Variants in MAGI2 observed in about 807,000 individuals in gnomAD.
MAGI2 encodes the protein membrane-associated guanylate kinase, WW and PDZ domain-containing protein 2.
In MAGI2, 35 loss-of-function variants were observed where a neutral mutation model predicts 133.3. The ratio of observed to expected loss-of-function variants is 0.26; its 90% CI spans 0.20 to 0.35. The LOEUF (loss-of-function observed/expected upper bound fraction) is 0.35, where lower values mean the gene tolerates loss of function less well. Among genes scored for constraint, MAGI2 ranks in the 10% least tolerant of loss-of-function variants. MAGI2 has a pLI of 1.00. For synonymous variants in MAGI2, 729 were observed against 710.6 expected, an observed-to-expected ratio of 1.03 and a Z score of -0.41; for missense variants, 1,636 against 1,863.4, an observed-to-expected ratio of 0.88 and a Z score of 2.25.
At chr7:78,379,207 TA>T (rs1197313261) in intron 6 of MAGI2, among the ~76,000 whole-genome samples, 1 of 151,922 alleles carries the variant, frequency 6.6e-6, no homozygotes, top group Non-Finnish European at 1.5e-5. Context: ...GGGCAATAAA[TA>T]AAATATGATA....
At chr7:78,920,035 T>C (rs961349066) in intron 2 of MAGI2, among the ~76,000 whole-genome samples, 22 of 152,134 alleles carry the variant, frequency 1.4e-4, no homozygotes, top group African/African-American at 5.1e-4. Flanking sequence ...CTTCCAACAT[T>C]GGGCAAGTCC....
In MAGI2 at chr7:78,549,998, C is replaced by A. The variant is rs182815982; in HGVS notation, c.539-28353G>T. ...GATTGGGTTTTCAGGGTGAAGCCCA[C>A]GTAAGTAAGATTAGTGCCTTTACAA... is the stretch of plus-strand genomic sequence containing the variant. On this transcript the variant is annotated intron_variant, in intron 3 of 21. Transcript: ENST00000354212. Among the ~76,000 whole-genome samples the A allele has an allele frequency of 2.9e-3, 437 of 152,208 alleles. 1 individual carries two copies. Among genetic ancestry groups the A allele is most frequent in the Middle Eastern group, 0.017 (5 of 294 alleles).
At chr7:78,152,218 G>T (rs1344382669) in intron 16 of MAGI2, among the ~76,000 whole-genome samples, 1 of 152,144 alleles carries the variant, frequency 6.6e-6, no homozygotes, top group Admixed American at 6.5e-5. Flanking sequence ...CACAGTGCCT[G>T]GGAGAAACCT....
chr7:78,665,700 G>C (rs1057466931), intron 2 of MAGI2, among the ~76,000 whole-genome samples: 6 of 152,034 alleles, frequency 3.9e-5, no homozygotes, highest in Admixed American at 2.6e-4. Context: ...CAAATTAATA[G>C]AGGAGAAAAA....
At chr7:79,277,839 A>G (rs1174682048) in intron 1 of MAGI2, among the ~76,000 whole-genome samples, 1 of 152,156 alleles carries the variant, frequency 6.6e-6, no homozygotes, top group Non-Finnish European at 1.5e-5. Flanking sequence ...AAAAACCTGG[A>G]GTCATCTCTT....
At chr7:78,590,035 G>C (rs773007945) in intron 3 of MAGI2, among the ~76,000 whole-genome samples, 6 of 152,180 alleles carry the variant, frequency 3.9e-5, no homozygotes, top group Non-Finnish European at 8.8e-5. Flanking sequence ...ACAAACATTT[G>C]CTTGTGTACC....
chr7:79,017,635 G>T (rs1394129402), intron 1 of MAGI2, among the ~76,000 whole-genome samples: 12 of 152,170 alleles, frequency 7.9e-5, no homozygotes, highest in African/African-American at 2.7e-4. Context: ...TAGGAATGAA[G>T]ATTACTGACA....
At chr7:78,759,247 A>G (rs1308326982) in intron 2 of MAGI2, among the ~76,000 whole-genome samples, 1 of 152,188 alleles carries the variant, frequency 6.6e-6, no homozygotes, top group African/African-American at 2.4e-5. Flanking sequence ...TTTTAATATT[A>G]CACTAGAACT....
intron 1 of MAGI2, among the ~76,000 whole-genome samples, chr7:79,058,834 C>T (rs1813424319): frequency 6.6e-6 from 1 of 152,024 alleles, no homozygotes; most frequent in South Asian, 2.1e-4. Flanking sequence ...GTTAAAATAC[C>T]AGTGATGCAG....
At chr7:78,728,320 C>G (rs564251423) in intron 2 of MAGI2, among the ~76,000 whole-genome samples, 1 of 151,998 alleles carries the variant, frequency 6.6e-6, no homozygotes, top group South Asian at 2.1e-4. Context: ...AGGTATTCAC[C>G]CTTTCATTAA....
intron 2 of MAGI2, among the ~76,000 whole-genome samples, chr7:78,947,639 A>C (rs777330832): frequency 4.6e-5 from 7 of 152,152 alleles, no homozygotes; most frequent in Non-Finnish European, 1.0e-4. Context: ...ATTTTTAACA[A>C]AGTAGAGTTT....
intron 2 of MAGI2, among the ~76,000 whole-genome samples, chr7:78,711,068 T>C (rs910123259): frequency 6.6e-6 from 1 of 152,168 alleles, no homozygotes; most frequent in African/African-American, 2.4e-5. Context: ...TGTAAGGACT[T>C]TGCAATATTC....
chr7:78,397,928 T>C (rs1796509260), intron 6 of MAGI2, among the ~76,000 whole-genome samples: 1 of 152,200 alleles, frequency 6.6e-6, no homozygotes, highest in Non-Finnish European at 1.5e-5. Context: ...CTGAAGTTAT[T>C]ATATTGACCT....
chr7:79,032,522 A>G (rs1275280627), intron 1 of MAGI2, among the ~76,000 whole-genome samples: 1 of 150,130 alleles, frequency 6.7e-6, no homozygotes, highest in Non-Finnish European at 1.5e-5. Flanking sequence ...TGACTCAGAA[A>G]AAAAAAAAAA....
intron 1 of MAGI2, among the ~76,000 whole-genome samples, chr7:79,154,636 G>A (rs972377495): frequency 6.6e-6 from 1 of 152,160 alleles, no homozygotes; most frequent in Admixed American, 6.5e-5. Context: ...ACATAGAAGA[G>A]TTTTAAGCTG....
intron 2 of MAGI2, among the ~76,000 whole-genome samples, chr7:78,657,105 A>G (rs1441795879): frequency 6.6e-6 from 1 of 152,214 alleles, no homozygotes; most frequent in African/African-American, 2.4e-5. Context: ...TCATCAGGGC[A>G]AAGCAAGTTA....
chr7:78,445,566 A>G (rs191625820), intron 6 of MAGI2, among the ~76,000 whole-genome samples: 158 of 152,250 alleles, frequency 1.0e-3, no homozygotes, highest in African/African-American at 3.8e-3. Flanking sequence ...TTTAGTAGAC[A>G]TTATTCTATG....
At position 79,004,285 on chromosome 7, in the gene MAGI2, A is replaced by G. The variant is rs1318790954; in HGVS notation, c.418+2805T>C. ...GGAATACTCTTCAACCATAAAAAAA[A>G]TAAAATCCTGTCATTTGCAGCAACA... is the stretch of plus-strand genomic sequence containing the variant. On this transcript the variant is annotated intron_variant, in intron 2 of 21. Coordinates refer to ENST00000354212, the MANE Select transcript of MAGI2 (RefSeq NM_012301.4). Among the ~76,000 whole-genome samples, 6 of 152,350 alleles carry G rather than the reference A, an allele frequency of 3.9e-5. No homozygotes were observed. In the East Asian group the frequency reaches 1.2e-3, roughly 29 times the overall value.
At chr7:78,363,997 C>G (rs1793113251) in intron 7 of MAGI2, among the ~76,000 whole-genome samples, 1 of 152,150 alleles carries the variant, frequency 6.6e-6, no homozygotes, top group Non-Finnish European at 1.5e-5. Flanking sequence ...CCTCCCCTCC[C>G]CTTCCTCATT....
Sources: gnomAD v4.1 joint callset for allele counts (sites outside exome capture counted in the v4.1 genomes callset) on GRCh38, gnomAD v4.1.1 for gene constraint, MANE v1.5 for transcripts, NCBI Gene and HGNC (gene_info 2026-07-23, HGNC 2026-07-21) for gene names.